The following CNBD1 variants were observed in gnomAD, a reference collection of about 807,000 sequenced individuals.
CNBD1 encodes cyclic nucleotide-binding domain-containing protein 1.
CNBD1 carries 71 observed loss-of-function variants against 54.4 expected under a neutral mutation model. That is an observed-to-expected ratio of 1.30 (90% CI 1.08 to 1.59). The LOEUF (loss-of-function observed/expected upper bound fraction) is 1.59, where lower values mean the gene tolerates loss of function less well. Among genes scored for constraint, CNBD1 ranks in the 40% most tolerant of loss-of-function variants. The probability of loss-of-function intolerance (pLI) is 0.00; values close to 1 mark genes in which losing one functional copy is unlikely to be tolerated. For synonymous variants in CNBD1, 182 were observed against 170.7 expected, an observed-to-expected ratio of 1.07 and a Z score of -0.51; for missense variants, 659 against 518.0, an observed-to-expected ratio of 1.27 and a Z score of -2.64.
At chr8:87,133,995 T>C (rs967242998) in intron 4 of CNBD1, among the ~76,000 whole-genome samples, 1 of 150,730 alleles carries the variant, frequency 6.6e-6, no homozygotes, top group Admixed American at 6.6e-5. Context: ...TATACTTCCA[T>C]TGATTGGTGT....
At position 87,142,849 on chromosome 8, in the gene CNBD1, T is replaced by C. The variant is rs1192166378; in HGVS notation, c.432-63144T>C. Reference sequence around the variant, plus strand: ...TTTAACAAACCTGGAGTTTTTTTGTTGTGCTCGTTGTTCGTGAGATTTTCG... The same window carrying C: ...TTTAACAAACCTGGAGTTTTTTTGTCGTGCTCGTTGTTCGTGAGATTTTCG... On this transcript the variant is annotated intron_variant, in intron 4 of 10. Transcript: ENST00000518476. Among the ~76,000 whole-genome samples the C allele has an allele frequency of 2.0e-5, 3 of 152,054 alleles. No individual in the cohort carries two copies. The East Asian group carries it at 5.8e-4, about 30-fold the overall frequency.
intron 4 of CNBD1, among the ~76,000 whole-genome samples, chr8:86,986,329 T>A (rs1184849191): frequency 6.6e-6 from 1 of 152,192 alleles, no homozygotes. Flanking sequence ...AAGTATCTGT[T>A]CATGTTCTCT....
chr8:86,867,614 C>A (rs959319925), intron 1 of CNBD1, among the ~76,000 whole-genome samples: 5 of 152,108 alleles, frequency 3.3e-5, no homozygotes, highest in African/African-American at 9.7e-5. Context: ...TGAAAATAAT[C>A]TTGCATCTGG....
At chr8:87,257,363 C>A (rs1808044029) in intron 6 of CNBD1, among the ~76,000 whole-genome samples, 1 of 73,284 alleles carries the variant, frequency 1.4e-5, no homozygotes, top group African/African-American at 7.6e-5. Context: ...GAGCAAAACT[C>A]TATCGCAAAA....
At chr8:87,313,331 A>T (rs1401172971) in intron 8 of CNBD1, among the ~76,000 whole-genome samples, 1 of 152,074 alleles carries the variant, frequency 6.6e-6, no homozygotes, top group Non-Finnish European at 1.5e-5. Flanking sequence ...ATCCAAGAAG[A>T]AATGACATGT....
intron 4 of CNBD1, among the ~76,000 whole-genome samples, chr8:87,116,214 T>C (rs941114986): frequency 6.9e-6 from 1 of 144,342 alleles, no homozygotes; most frequent in Non-Finnish European, 1.5e-5. Context: ...TTTTTTTTTT[T>C]TTTTTGAGAC....
At chr8:87,397,809 T>C (rs1198653155) in intron 2 of CNBD1, among the ~76,000 whole-genome samples, 2 of 152,020 alleles carry the variant, frequency 1.3e-5, no homozygotes, top group Non-Finnish European at 2.9e-5. Flanking sequence ...TGGTGGTTGA[T>C]GACTGAATCA....
chr8:86,935,097 G>A (rs892484431), intron 3 of CNBD1, among the ~76,000 whole-genome samples: 14 of 151,908 alleles, frequency 9.2e-5, no homozygotes, highest in East Asian at 1.9e-4. Context: ...GTGCAATGGC[G>A]TGATCTCAGC....
At chr8:87,418,250 AT>A (rs1203346206) in intron 2 of CNBD1, among the ~76,000 whole-genome samples, 3 of 152,030 alleles carry the variant, frequency 2.0e-5, no homozygotes, top group African/African-American at 7.2e-5. Context: ...TTTATGGTCA[AT>A]TGATTTTCAA....
At chr8:87,314,021 A>G (rs1401782220) in intron 8 of CNBD1, among the ~76,000 whole-genome samples, 1 of 151,988 alleles carries the variant, frequency 6.6e-6, no homozygotes, top group South Asian at 2.1e-4. Context: ...CAGAGTACCA[A>G]AGCACATGTA....
intron 8 of CNBD1, among the ~76,000 whole-genome samples, chr8:87,350,151 C>T (rs1810254786): frequency 6.6e-6 from 1 of 152,016 alleles, no homozygotes. Flanking sequence ...TGGAAGAGTT[C>T]CTCTTACTTT....
chr8:87,101,233 A>T (rs1447723396), intron 4 of CNBD1, among the ~76,000 whole-genome samples: 2 of 152,230 alleles, frequency 1.3e-5, no homozygotes, highest in East Asian at 3.8e-4. Flanking sequence ...TGTTGTAAGT[A>T]GTAGACAAGG....
Position 87,293,051 on chromosome 8 carries a change from C to G in CNBD1, c.1042+6380C>G, listed in dbSNP as rs112762549. Among the ~76,000 whole-genome samples, 6 of 152,208 alleles carry G rather than the reference C, an allele frequency of 3.9e-5. 1 individual carries two copies. Among genetic ancestry groups the G allele is most frequent in the African/African-American group, 1.4e-4 (6 of 41,542 alleles). On this transcript the variant is annotated intron_variant, in intron 8 of 10. Transcript: ENST00000518476. The stretch of plus-strand genomic sequence containing the variant: ...AGAGTCTGCTGTCTGTACCTAGGAA[C>G]AAAGGGCTGCGCACTGGGTGTTCAT...
intron 2 of CNBD1, among the ~76,000 whole-genome samples, chr8:86,903,733 G>A (rs1167045572): frequency 6.6e-6 from 1 of 151,942 alleles, no homozygotes; most frequent in Non-Finnish European, 1.5e-5. Context: ...TATATTGTCA[G>A]GTTATATAAA....
intron 3 of CNBD1, among the ~76,000 whole-genome samples, chr8:86,933,775 A>G (rs191040733): frequency 6.6e-6 from 1 of 152,184 alleles, no homozygotes; most frequent in African/African-American, 2.4e-5. Context: ...TATTTGTTTA[A>G]TAATTAATAT....
chr8:87,066,265 G>A (rs1428119782), intron 4 of CNBD1, among the ~76,000 whole-genome samples: 1 of 151,880 alleles, frequency 6.6e-6, no homozygotes, highest in Non-Finnish European at 1.5e-5. Context: ...AAACAAAGAT[G>A]AACTGGAATC....
intron 4 of CNBD1, among the ~76,000 whole-genome samples, chr8:87,029,612 C>T (rs1809736614): frequency 6.6e-6 from 1 of 151,738 alleles, no homozygotes; most frequent in Non-Finnish European, 1.5e-5. Context: ...TGCCAGAAAC[C>T]AAAGCAGATA....
At chr8:87,140,567 TAA>T (rs1812351549) in intron 4 of CNBD1, among the ~76,000 whole-genome samples, 1 of 152,158 alleles carries the variant, frequency 6.6e-6, no homozygotes, top group South Asian at 2.1e-4. Flanking sequence ...TGATTTATTA[TAA>T]TATTGTTATT....
At chr8:87,357,036 T>G (rs1810433893) in intron 10 of CNBD1, among the ~76,000 whole-genome samples, 1 of 152,170 alleles carries the variant, frequency 6.6e-6, no homozygotes, top group Non-Finnish European at 1.5e-5. Flanking sequence ...CTATAAGCCT[T>G]TGTGGCTTCC....
Sources: gnomAD v4.1 joint callset for allele counts (sites outside exome capture counted in the v4.1 genomes callset) on GRCh38, gnomAD v4.1.1 for gene constraint, MANE v1.5 for transcripts, NCBI Gene and HGNC (gene_info 2026-07-23, HGNC 2026-07-21) for gene names.